Variants in ADAMTS5 observed in about 807,000 individuals in gnomAD.
ADAMTS5 encodes A disintegrin and metalloproteinase with thrombospondin motifs 5.
A neutral mutation model predicts 81.4 loss-of-function variants in ADAMTS5; 54 were observed. The ratio of observed to expected loss-of-function variants is 0.66; its 90% CI spans 0.53 to 0.83. The LOEUF (loss-of-function observed/expected upper bound fraction) is 0.83, where lower values mean the gene tolerates loss of function less well. Ranked by LOEUF, ADAMTS5 falls within the 40% of genes least tolerant of loss-of-function variation. The pLI, the probability that ADAMTS5 is intolerant of heterozygous loss-of-function variation, is 0.00. For synonymous variants in ADAMTS5, 532 were observed against 508.8 expected (o/e 1.05, Z -0.61); for missense variants, 1,194 against 1,229.9 (o/e 0.97, Z 0.44).
At chr21:26,949,464 C>T (rs926535760) in intron 2 of ADAMTS5, among the ~76,000 whole-genome samples, 2 of 151,966 alleles carry the variant, frequency 1.3e-5, no homozygotes, top group Admixed American at 1.3e-4. Context: ...CAAGCATGAG[C>T]CACCACACCA....
At chr21:26,963,500 T>C (rs2123210295) in intron 1 of ADAMTS5, among the ~76,000 whole-genome samples, 1 of 151,520 alleles carries the variant, frequency 6.6e-6, no homozygotes, top group East Asian at 2.0e-4. Context: ...AATGACCCAC[T>C]CCTTGGCGCA....
At chr21:26,929,792 A>G in intron 7 of ADAMTS5, 94 bp downstream of exon 7, 1 of 1,279,642 alleles carries the variant, frequency 7.8e-7, no homozygotes, top group Non-Finnish European at 1.1e-6. Flanking sequence ...TCATACAGAT[A>G]GCTTATGATG....
intron 7 of ADAMTS5, among the ~76,000 whole-genome samples, chr21:26,927,015 G>A (rs1219279247): frequency 2.6e-5 from 4 of 152,086 alleles, no homozygotes; most frequent in Admixed American, 6.5e-5. Context: ...GCCTTAGTAA[G>A]AGATGATTCT....
intron 3 of ADAMTS5, among the ~76,000 whole-genome samples, chr21:26,935,933 T>C (rs1306554932): frequency 1.3e-5 from 2 of 152,232 alleles, no homozygotes; most frequent in Admixed American, 1.3e-4. Context: ...ATTCTTTACA[T>C]ATATGAGCTC....
At chr21:26,945,212 A>G (rs73187815) in intron 2 of ADAMTS5, among the ~76,000 whole-genome samples, 4,213 of 152,042 alleles carry the variant, frequency 0.028, 86 homozygotes, top group Middle Eastern at 0.051. Context: ...GTTACTTAGT[A>G]CATGAAATAC....
intron 7 of ADAMTS5, among the ~76,000 whole-genome samples, chr21:26,927,150 G>A (rs182804966): frequency 5.3e-5 from 8 of 152,274 alleles, no homozygotes; most frequent in African/African-American, 1.7e-4. Context: ...AAGTATGGCT[G>A]GCAGGGCAAA....
At chr21:26,949,142 T>TATATATATATATCACACATATATCC (rs1987270365) in intron 2 of ADAMTS5, among the ~76,000 whole-genome samples, 7 of 150,904 alleles carry the variant, frequency 4.6e-5, no homozygotes, top group South Asian at 2.1e-4. Context: ...CAGTGATATA[T>TATATATATATATCACACATATATCC]ATATATATAT....
intron 1 of ADAMTS5, among the ~76,000 whole-genome samples, chr21:26,955,228 G>A (rs1327204675): frequency 6.6e-6 from 1 of 152,170 alleles, no homozygotes; most frequent in East Asian, 1.9e-4. Context: ...GGAAATTCAT[G>A]CTAAATTTAT....
At chr21:26,935,465 A>G (rs1425567607) in intron 3 of ADAMTS5, among the ~76,000 whole-genome samples, 3 of 152,332 alleles carry the variant, frequency 2.0e-5, no homozygotes, top group East Asian at 1.9e-4. Flanking sequence ...AGTTTTCAAG[A>G]TTCACAGAAC....
intron 4 of ADAMTS5, among the ~76,000 whole-genome samples, chr21:26,933,665 G>C (rs746312612): frequency 6.6e-6 from 1 of 152,192 alleles, no homozygotes; most frequent in African/African-American, 2.4e-5. Flanking sequence ...GCCCTTTTAT[G>C]GCAACCTAAG....
In ADAMTS5 at chr21:26,934,779, T is replaced by C. The variant is rs886323912; in HGVS notation, c.1406-30A>G. 1.7e-5 allele frequency: 27 copies of C among 1,608,098 alleles called. No homozygotes were observed. In the Admixed American group the frequency reaches 2.5e-4, roughly 15 times the overall value. ...AAGAATAACTGAGATTGACCACGGC[T>C]CTGTGTTTAGGTTTCAAACCGCTAA... On this transcript the variant is annotated intron_variant, in intron 3 of 7. Coordinates refer to ENST00000284987, the MANE Select transcript of ADAMTS5 (RefSeq NM_007038.5).
At chr21:26,952,688 T>C (rs1987344594) in intron 2 of ADAMTS5, among the ~76,000 whole-genome samples, 1 of 152,360 alleles carries the variant, frequency 6.6e-6, no homozygotes, top group Admixed American at 6.5e-5. Context: ...TTGGAGCCCA[T>C]AATCCTGTGG....
chr21:26,956,656 C>T (rs1258587466), intron 1 of ADAMTS5, among the ~76,000 whole-genome samples: 1 of 151,188 alleles, frequency 6.6e-6, no homozygotes, highest in Non-Finnish European at 1.5e-5. Flanking sequence ...TATATCTGCA[C>T]ACATTTTTTT....
At chr21:26,939,147 C>T (rs1568843985) in intron 3 of ADAMTS5, among the ~76,000 whole-genome samples, 1 of 151,978 alleles carries the variant, frequency 6.6e-6, no homozygotes. Flanking sequence ...TCATTCTGGG[C>T]CCAGTGATAT....
In ADAMTS5 at chr21:26,966,073, A is replaced by G; in HGVS notation, c.319T>C (p.Ser107Pro). The G allele has an allele frequency of 6.2e-7, 1 of 1,612,994 alleles. No homozygotes were observed. The highest frequency in any genetic ancestry group is 2.2e-5 in the East Asian group (1 of 44,830). Residue 107 changes from serine to proline, a missense_variant, in exon 1 of 8, where the codon TCG becomes CCG. Transcript: ENST00000284987. ...GGCACGAAGCCAGCAATGCCCACCG[A>G]ACCATCTCGCTCCAGGTCCAAGAGG... ...RFLLDLERDG[S>P]VGIAGFVPAG...
At chr21:26,951,424 C>T (rs747158887) in intron 2 of ADAMTS5, among the ~76,000 whole-genome samples, 7 of 151,912 alleles carry the variant, frequency 4.6e-5, no homozygotes, top group East Asian at 1.9e-4. Context: ...TCATTTTCAT[C>T]GCCATACTTT....
chr21:26,964,475 G>C (rs75472295), intron 1 of ADAMTS5, among the ~76,000 whole-genome samples: 6,399 of 152,284 alleles, frequency 0.042, 151 homozygotes, highest in East Asian at 0.1. Context: ...TCTTCGCCCA[G>C]ATCTTCTGCA....
rs1006065157 is a variant in ADAMTS5 at position 26,919,499 on chromosome 21, C to T, written c.*4554G>A. 1.3e-5 allele frequency: 2 copies of T among 151,258 alleles called. No individual in the cohort carries two copies. The highest frequency in any genetic ancestry group is 4.2e-4 in the South Asian group (2 of 4,816). 9.4% of individuals were successfully genotyped at this position (151,258 alleles called of 1,614,324 possible). ...TTTTTTTTTTCAAAACCAACATCAT[C>T]TAACAACATATTCTTTTAGTTTTTC... On this transcript the variant is annotated 3_prime_UTR_variant, in exon 8 of 8. Coordinates refer to ENST00000284987, the MANE Select transcript of ADAMTS5 (RefSeq NM_007038.5).
intron 1 of ADAMTS5, among the ~76,000 whole-genome samples, chr21:26,963,255 T>C (rs932082387): frequency 1.3e-5 from 2 of 152,054 alleles, no homozygotes; most frequent in Non-Finnish European, 2.9e-5. Context: ...TAAAATATGC[T>C]GTTAAGTTTC....
Sources: gnomAD v4.1 joint callset for allele counts (sites outside exome capture counted in the v4.1 genomes callset) on GRCh38, gnomAD v4.1.1 for gene constraint, MANE v1.5 for transcripts, NCBI Gene and HGNC (gene_info 2026-07-23, HGNC 2026-07-21) for gene names.